Variants in ZBTB20 observed in about 807,000 individuals in gnomAD.
The protein encoded by ZBTB20 is zinc finger and BTB domain containing 20.
In ZBTB20, 9 loss-of-function variants were observed where a neutral mutation model predicts 56.9. The observed-to-expected ratio is 0.16, with a 90% CI of 0.10 to 0.28. The LOEUF is 0.28. Ranked by LOEUF, ZBTB20 falls within the 10% of genes least tolerant of loss-of-function variation. The pLI is 1.00. For synonymous variants in ZBTB20, 417 were observed against 420.7 expected (o/e 0.99, Z 0.11); for missense variants, 655 against 1,003.0 (o/e 0.65, Z 4.69).
At chr3:114,410,421 A>G (rs945952962) in intron 7 of ZBTB20, among the ~76,000 whole-genome samples, 4 of 152,144 alleles carry the variant, frequency 2.6e-5, no homozygotes, top group Non-Finnish European at 5.9e-5. Flanking sequence ...GACATTAGAG[A>G]GAAACGAGGG....
At chr3:114,547,433 G>C (rs1489394268) in intron 6 of ZBTB20, among the ~76,000 whole-genome samples, 1 of 152,190 alleles carries the variant, frequency 6.6e-6, no homozygotes, top group Non-Finnish European at 1.5e-5. Context: ...TACTGGGTGA[G>C]AACTGGCAGA....
chr3:114,360,000 A>G (rs1346729680), intron 10 of ZBTB20, among the ~76,000 whole-genome samples: 1 of 152,170 alleles, frequency 6.6e-6, no homozygotes, highest in East Asian at 1.9e-4. Flanking sequence ...AAAGAATATC[A>G]TCACACACTG....
intron 4 of ZBTB20, among the ~76,000 whole-genome samples, chr3:114,812,999 G>C (rs1255021308): frequency 6.6e-6 from 1 of 152,152 alleles, no homozygotes; most frequent in Non-Finnish European, 1.5e-5. Context: ...TTGCCCGCAA[G>C]CACCGCGCGC....
chr3:115,137,652 G>C (rs1187598632), intron 1 of ZBTB20, among the ~76,000 whole-genome samples: 1 of 152,012 alleles, frequency 6.6e-6, no homozygotes, highest in Non-Finnish European at 1.5e-5. Context: ...ATGAATATGG[G>C]AAGGAGGAGA....
At chr3:114,705,497 G>A (rs1296055050) in intron 5 of ZBTB20, among the ~76,000 whole-genome samples, 1 of 152,200 alleles carries the variant, frequency 6.6e-6, no homozygotes, top group East Asian at 1.9e-4. Context: ...AATCAGATTG[G>A]AAATAAGACC....
chr3:115,030,686 A>C (rs1383724019), intron 2 of ZBTB20, among the ~76,000 whole-genome samples: 1 of 151,238 alleles, frequency 6.6e-6, no homozygotes, highest in Non-Finnish European at 1.5e-5. Context: ...CCTCATTTTC[A>C]CGTTAAACCA....
At chr3:115,113,515 C>G (rs1048892294) in intron 1 of ZBTB20, among the ~76,000 whole-genome samples, 2 of 152,224 alleles carry the variant, frequency 1.3e-5, no homozygotes, top group Non-Finnish European at 2.9e-5. Context: ...GGGTCTGCAG[C>G]ACAGAAGTCT....
intron 5 of ZBTB20, among the ~76,000 whole-genome samples, chr3:114,721,873 C>T (rs1390588263): frequency 6.6e-6 from 1 of 152,136 alleles, no homozygotes; most frequent in Non-Finnish European, 1.5e-5. Flanking sequence ...TAAAGAAGAT[C>T]TTCTTGACTT....
intron 7 of ZBTB20, among the ~76,000 whole-genome samples, chr3:114,452,297 A>C (rs1266411823): frequency 1.3e-5 from 2 of 152,184 alleles, no homozygotes; most frequent in African/African-American, 4.8e-5. Context: ...CACTATTAAA[A>C]GCATTAAAAA....
chr3:114,606,978 G>A (rs1211560102), intron 6 of ZBTB20, among the ~76,000 whole-genome samples: 1 of 151,728 alleles, frequency 6.6e-6, no homozygotes, highest in African/African-American at 2.4e-5. Flanking sequence ...GGCACCTGTA[G>A]TCCCAGCTAC....
intron 6 of ZBTB20, among the ~76,000 whole-genome samples, chr3:114,503,813 A>G (rs549384840): frequency 6.6e-6 from 1 of 152,340 alleles, no homozygotes; most frequent in African/African-American, 2.4e-5. Flanking sequence ...TCAATCTCCA[A>G]GAATCAAAAA....
At chr3:115,083,177 T>C (rs1435393492) in intron 1 of ZBTB20, among the ~76,000 whole-genome samples, 2 of 152,090 alleles carry the variant, frequency 1.3e-5, no homozygotes, top group Non-Finnish European at 2.9e-5. Flanking sequence ...TTATCATTCA[T>C]ACATATACTC....
intron 5 of ZBTB20, among the ~76,000 whole-genome samples, chr3:114,749,225 G>A (rs2067358958): frequency 6.6e-6 from 1 of 152,046 alleles, no homozygotes; most frequent in African/African-American, 2.4e-5. Context: ...TCTATAACAT[G>A]ACAACATAGC....
In ZBTB20 at chr3:114,860,305, CAA is replaced by C. The variant is rs10708532; in HGVS notation, c.-417+39997_-417+39998del. On this transcript the variant is annotated intron_variant, in intron 4 of 11. Coordinates refer to ENST00000675478, the MANE Select transcript of ZBTB20 (RefSeq NM_001348800.3). ...CTGACAACAGAGCAAGACTCCGTCT[CAA>C]AAAAAAAAAAAATTCTGAAATTACA... Among the ~76,000 whole-genome samples the C allele has an allele frequency of 9.6e-3, 1,402 of 146,362 alleles. 19 individuals carry two copies. The highest frequency in any genetic ancestry group is 0.028 in the African/African-American group (1,109 of 39,940).
intron 5 of ZBTB20, among the ~76,000 whole-genome samples, chr3:114,788,335 G>A (rs999399374): frequency 1.3e-5 from 2 of 152,010 alleles, no homozygotes; most frequent in Admixed American, 1.3e-4. Context: ...TATTCAAACT[G>A]TGTAACCATT....
intron 3 of ZBTB20, among the ~76,000 whole-genome samples, chr3:114,908,778 T>C (rs1389475843): frequency 1.3e-5 from 2 of 151,936 alleles, no homozygotes; most frequent in African/African-American, 2.4e-5. Flanking sequence ...CAGAGATTTA[T>C]AGAAATAAAA....
chr3:114,609,018 C>G (rs2057363545), intron 6 of ZBTB20, among the ~76,000 whole-genome samples: 1 of 152,174 alleles, frequency 6.6e-6, no homozygotes, highest in Admixed American at 6.5e-5. Context: ...ACCTTTTTGA[C>G]AGGCAGAAAT....
intron 1 of ZBTB20, among the ~76,000 whole-genome samples, chr3:115,081,959 A>G (rs1457963006): frequency 2.0e-5 from 3 of 152,198 alleles, no homozygotes; most frequent in Non-Finnish European, 2.9e-5. Flanking sequence ...ACGTATAGAT[A>G]GCATCTACAT....
At chr3:114,434,574 G>GTGTGTGTGTGTA (rs2090381660) in intron 7 of ZBTB20, among the ~76,000 whole-genome samples, 1 of 151,810 alleles carries the variant, frequency 6.6e-6, no homozygotes, top group South Asian at 2.1e-4. Flanking sequence ...GTGTGTGTGT[G>GTGTGTGTGTGTA]TGTATCTTTC....
Sources: gnomAD v4.1 joint callset for allele counts (sites outside exome capture counted in the v4.1 genomes callset) on GRCh38, gnomAD v4.1.1 for gene constraint, MANE v1.5 for transcripts, NCBI Gene and HGNC (gene_info 2026-07-23, HGNC 2026-07-21) for gene names.